The following R3HDM4 variants were observed in gnomAD, a reference collection of about 807,000 sequenced individuals.
R3HDM4 encodes R3H domain-containing protein 4.
A neutral mutation model predicts 31.3 loss-of-function variants in R3HDM4; 30 were observed. The ratio of observed to expected loss-of-function variants is 0.96; its 90% CI spans 0.72 to 1.30. The LOEUF is 1.30. R3HDM4 is among the 50% of genes most tolerant of loss of function. The pLI, the probability that R3HDM4 is intolerant of heterozygous loss-of-function variation, is 0.00. For missense variants in R3HDM4, 444 were observed against 366.1 expected (o/e 1.21, Z -1.74); for synonymous variants, 196 against 156.6 (o/e 1.25, Z -1.88).
intron 1 of R3HDM4, among the ~76,000 whole-genome samples, chr19:908,691 G>C (rs930197012): frequency 3.9e-5 from 6 of 152,088 alleles, no homozygotes; most frequent in Admixed American, 2.0e-4. Context: ...AACTCAGGGA[G>C]CCCCGGTCTC....
rs1330673468 is a variant in R3HDM4 at position 901,459 on chromosome 19, A to G, written c.314T>C (p.Ile105Thr). The change falls in exon 3 of 8, where the codon ATC becomes ACC. Residue 105 changes from isoleucine (I) to threonine (T), a missense_variant. Transcript: ENST00000361574. ...GDLAPPASPG[I>T]FAEACNNATY... ...GGCGTTGTTGCAGGCCTCGGCAAAG[A>G]TGCCTGGTGATGCAGGGGGTGCCAA... 6.2e-6 allele frequency: 10 copies of G among 1,609,144 alleles called. No individual in the cohort carries two copies. Among genetic ancestry groups the G allele is most frequent in the Admixed American group, 1.7e-5 (1 of 59,862 alleles).
chr19:910,625 CA>C (rs916798100), intron 1 of R3HDM4, among the ~76,000 whole-genome samples: 10 of 149,974 alleles, frequency 6.7e-5, no homozygotes, highest in African/African-American at 1.7e-4. Context: ...AAAACAAAAA[CA>C]AAAAAAAAGC....
In R3HDM4 at chr19:899,631, TG is replaced by T. The variant is rs771757743; in HGVS notation, c.616del (p.Gln206ArgfsTer8). On this transcript the variant is annotated frameshift_variant, in exon 6 of 8. Transcript: ENST00000361574. LOFTEE classifies it high-confidence loss of function. The surrounding 1 kb of genome is among the most constrained non-coding windows in gnomAD (Gnocchi z 6.8). Reference sequence around the variant, plus strand: ...GTCTAGCATTGCTGTGTACACGGCCTGGGGGGACACGGAGAAGAACCGAAGC... The same window carrying T: ...GTCTAGCATTGCTGTGTACACGGCCTGGGGGACACGGAGAAGAACCGAAGC... ...RLLRFFSVSP[Q>X]AVYTAMLDNS... The T allele has an allele frequency of 2.5e-6, 4 of 1,608,862 alleles. No individual in the cohort carries two copies. The highest frequency in any genetic ancestry group is 3.4e-6 in the Non-Finnish European group (4 of 1,177,788).
chr19:901,233 C>G, intron 3 of R3HDM4, 189 bp downstream of exon 3: 2 of 699,822 alleles, frequency 2.9e-6, no homozygotes, highest in Non-Finnish European at 4.6e-6. Context: ...TCCAGGAGCT[C>G]GAAGGTTCCA....
intron 1 of R3HDM4, among the ~76,000 whole-genome samples, chr19:903,410 G>GA (rs2036861953): frequency 6.6e-6 from 1 of 152,160 alleles, no homozygotes; most frequent in African/African-American, 2.4e-5. Context: ...GCCACTCAGT[G>GA]TGGGGGGAAT....
chr19:902,207 GC>G, intron 1 of R3HDM4, 77 bp from the exon 2 acceptor site: 1 of 1,544,394 alleles, frequency 6.5e-7, no homozygotes, highest in Non-Finnish European at 8.8e-7. Context: ...CACAGCCATG[GC>G]CCGCTTGGTT....
In R3HDM4 at chr19:901,432, G is replaced by A; in HGVS notation, c.341C>T (p.Thr114Ile). ...GGTTGGGGGCCACACCTCCACATAG[G>A]TGGCGTTGTTGCAGGCCTCGGCAAA... ...GIFAEACNNA[T>I]YVEVWNDFMN... Residue 114 changes from threonine (T) to isoleucine (I), a missense_variant, in exon 3 of 8, where the codon ACC (threonine) becomes ATC (isoleucine). By Grantham distance (89) the Thr-to-Ile change is moderately conservative. Coordinates refer to ENST00000361574, the MANE Select transcript of R3HDM4 (RefSeq NM_138774.4). 5 of 1,606,978 alleles carry A rather than the reference G, an allele frequency of 3.1e-6. No individual in the cohort carries two copies. Among genetic ancestry groups the A allele is most frequent in the Middle Eastern group, 2.0e-4 (1 of 5,076 alleles).
chr19:900,262 C>T, intron 4 of R3HDM4, 116 bp from the exon 5 acceptor site: 1 of 721,930 alleles, frequency 1.4e-6, no homozygotes, highest in Non-Finnish European at 2.2e-6. Flanking sequence ...GCCTCTCCTG[C>T]CCACCAAACC....
rs751851839 is a variant in R3HDM4 at position 897,490 on chromosome 19, C to G, written c.754G>C (p.Asp252His). The change falls in exon 8 of 8, where the codon GAT becomes CAT. Residue 252 changes from aspartate to histidine, a missense_variant. Transcript: ENST00000361574. ...AGGAGCAGCCCCGGCGGCAGGAAAT[C>G]CAGGTGCCGATTACTGACCTTCATC... Reference protein sequence around the residue: ...RQMKVSNRHLDFLPPGLLLSA... With the variant: ...RQMKVSNRHLHFLPPGLLLSA... 10 of 1,613,044 alleles carry G rather than the reference C, an allele frequency of 6.2e-6. No homozygotes were observed. Among genetic ancestry groups the G allele is most frequent in the Non-Finnish European group, 7.6e-6 (9 of 1,179,780 alleles).
intron 4 of R3HDM4, among the ~76,000 whole-genome samples, 180 bp from the exon 5 acceptor site, chr19:900,326 G>A (rs1181176949): frequency 6.6e-6 from 1 of 151,492 alleles, no homozygotes; most frequent in East Asian, 1.9e-4. Flanking sequence ...ACCCCCACGA[G>A]GCCCTGACCC....
intron 3 of R3HDM4, 126 bp downstream of exon 3, chr19:901,296 G>A (rs1316852220): frequency 1.9e-6 from 2 of 1,063,466 alleles, no homozygotes; most frequent in Non-Finnish European, 2.7e-6. Flanking sequence ...GAGACTGAGG[G>A]GCCTTCATTA....
chr19:913,064 G>C lies in R3HDM4; in HGVS notation c.71+23C>G. 6.3e-5 allele frequency: 56 copies of C among 895,324 alleles called. No individual in the cohort carries two copies. The highest frequency in any genetic ancestry group is 7.1e-5 in the Non-Finnish European group (52 of 735,744). 55.5% of individuals were successfully genotyped at this position (895,324 alleles called of 1,614,324 possible). On this transcript the variant is annotated intron_variant, in intron 1 of 7. Transcript: ENST00000361574. This position sits in a 1 kb window ranked among gnomAD's most constrained non-coding sequence, Gnocchi z 5.0. ...GCCCAGCCCGCCCCCGGCGCCCGCC[G>C]CGCCCCGCCCGCCCGCGCTCACAGC... is the stretch of plus-strand genomic sequence containing the variant.
intron 1 of R3HDM4, among the ~76,000 whole-genome samples, chr19:903,439 C>T (rs973441401): frequency 6.6e-5 from 10 of 151,916 alleles, no homozygotes; most frequent in South Asian, 4.2e-4. Context: ...GCCTGGGAAG[C>T]GGGTGGTTGG....
chr19:903,605 CCA>C (rs1466976905), intron 1 of R3HDM4, among the ~76,000 whole-genome samples: 7 of 152,184 alleles, frequency 4.6e-5, no homozygotes, highest in Non-Finnish European at 1.0e-4. Flanking sequence ...CAAGGAAAAA[CCA>C]CACAAACTGG....
chr19:904,683 G>T (rs2036880960), intron 1 of R3HDM4, among the ~76,000 whole-genome samples: 1 of 152,022 alleles, frequency 6.6e-6, no homozygotes, highest in Non-Finnish European at 1.5e-5. Flanking sequence ...GGCTGAGGAG[G>T]GAGGATCACT....
intron 1 of R3HDM4, 48 bp from the exon 2 acceptor site, chr19:902,178 T>C (rs2036846994): frequency 3.7e-6 from 6 of 1,600,834 alleles, no homozygotes; most frequent in African/African-American, 1.3e-5. Context: ...CCGGCCAGGA[T>C]CTCCGAGAAG....
chr19:913,046 C>CT lies in R3HDM4; in HGVS notation c.71+40_71+41insA. The CT allele has an allele frequency of 1.2e-6, 1 of 831,396 alleles. No individual in the cohort carries two copies. Among genetic ancestry groups the CT allele is most frequent in the Non-Finnish European group, 1.5e-6 (1 of 680,708 alleles). 51.5% of individuals were successfully genotyped at this position (831,396 alleles called of 1,614,324 possible). ...AGGATCTCAGGGGAGGGAGCCCAGC[C>CT]CGCCCCCGGCGCCCGCCGCGCCCCG... On this transcript the variant is annotated intron_variant, in intron 1 of 7. Coordinates refer to ENST00000361574, the MANE Select transcript of R3HDM4 (RefSeq NM_138774.4). The surrounding 1 kb of genome is among the most constrained non-coding windows in gnomAD (Gnocchi z 5.0).
chr19:903,956 CAGG>C (rs1436273485), intron 1 of R3HDM4, among the ~76,000 whole-genome samples: 1 of 151,988 alleles, frequency 6.6e-6, no homozygotes, highest in Non-Finnish European at 1.5e-5. Context: ...GAGGCTGAGG[CAGG>C]AGAATGGTGT....
chr19:899,595 C>T lies in R3HDM4; in HGVS notation c.647+6G>A, dbSNP rs775678683. ...AGGGTCCGCTCGCCTGGCCGCCCCC[C>T]CTTACCTGTTGTCTAGCATTGCTGT... On this transcript the variant is annotated splice_donor_region_variant and intron_variant, in intron 6 of 7. Transcript: ENST00000361574. The surrounding 1 kb of genome is among the most constrained non-coding windows in gnomAD (Gnocchi z 6.8). 1 of 1,612,566 alleles carries T rather than the reference C, an allele frequency of 6.2e-7. No individual in the cohort carries two copies. Among genetic ancestry groups the T allele is most frequent in the Non-Finnish European group, 8.5e-7 (1 of 1,179,530 alleles).
Sources: allele counts gnomAD v4.1 joint callset (sites outside exome capture counted in the v4.1 genomes callset), GRCh38; gene constraint gnomAD v4.1.1; non-coding constraint Gnocchi (gnomAD v3.1); transcripts MANE v1.5; gene names NCBI Gene and HGNC (gene_info 2026-07-23, HGNC 2026-07-21).